The following TULP4 variants were observed in gnomAD, a reference collection of about 807,000 sequenced individuals.
The protein encoded by TULP4 is tubby-related protein 4.
In TULP4, 16 loss-of-function variants were observed where a neutral mutation model predicts 129.0. The observed-to-expected ratio is 0.12, with a 90% CI of 0.08 to 0.19. The LOEUF is 0.19. Among genes scored for constraint, TULP4 ranks in the 10% least tolerant of loss-of-function variants. The pLI is 1.00. For missense variants in TULP4, 1,842 were observed against 2,059.1 expected, an observed-to-expected ratio of 0.89 and a Z score of 2.04; for synonymous variants, 998 against 854.0, an observed-to-expected ratio of 1.17 and a Z score of -2.94.
intron 3 of TULP4, among the ~76,000 whole-genome samples, chr6:158,442,538 A>T (rs556791415): frequency 1.3e-5 from 2 of 151,798 alleles, no homozygotes; most frequent in Non-Finnish European, 2.9e-5. Flanking sequence ...CAAAGTACAC[A>T]TGCACCTTCC....
intron 1 of TULP4, among the ~76,000 whole-genome samples, chr6:158,330,481 C>T (rs908745501): frequency 6.6e-6 from 1 of 152,202 alleles, no homozygotes; most frequent in Non-Finnish European, 1.5e-5. Context: ...TGCACGCATA[C>T]ACTCTCTCTC....
At chr6:158,426,036 A>C (rs1319804839) in intron 2 of TULP4, among the ~76,000 whole-genome samples, 1 of 152,184 alleles carries the variant, frequency 6.6e-6, no homozygotes, top group Non-Finnish European at 1.5e-5. Flanking sequence ...TCTTTTGAAA[A>C]GTGTCAGTTC....
At chr6:158,444,593 G>T (rs887365284) in intron 3 of TULP4, among the ~76,000 whole-genome samples, 6 of 152,104 alleles carry the variant, frequency 3.9e-5, no homozygotes, top group Non-Finnish European at 7.4e-5. Flanking sequence ...TAGATGTGTA[G>T]GGTCCAAAGA....
intron 1 of TULP4, among the ~76,000 whole-genome samples, chr6:158,287,596 T>A (rs897849982): frequency 1.3e-5 from 2 of 152,148 alleles, no homozygotes; most frequent in Non-Finnish European, 2.9e-5. Flanking sequence ...AATGAGCAAC[T>A]TAAGATAGAA....
chr6:158,308,440 T>C (rs1779257115), upstream of TULP4, among the ~76,000 whole-genome samples: 1 of 152,028 alleles, frequency 6.6e-6, no homozygotes, highest in African/African-American at 2.4e-5. Context: ...TTTCTCAATC[T>C]TTTCCCCACC....
chr6:158,299,157 C>T lies in TULP4; in HGVS notation n.117-12894C>T, dbSNP rs182095596. On this transcript the variant is annotated intron_variant and non_coding_transcript_variant, in intron 1 of 1. Transcript: ENST00000432358. ...CTCGGTCGGGGTGGGGGGTAATGCC[C>T]TTATCTTCCTGTTTTAAGGAAAAGG... 1.9e-4 allele frequency among the ~76,000 whole-genome samples: 29 copies of T among 152,188 alleles called. 1 individual carries two copies. The East Asian group carries it at 5.2e-3, about 27-fold the overall frequency.
Position 158,479,965 on chromosome 6 carries a change from C to A in TULP4, c.1241C>A (p.Pro414His). 6.2e-7 allele frequency: 1 copy of A among 1,605,800 alleles called. No homozygotes were observed. The highest frequency in any genetic ancestry group is 8.5e-7 in the Non-Finnish European group (1 of 1,178,258). ...LCSYLSTAFI[P>H]TIKPPIPDPN... ...TCCTACCTCTCCACTGCCTTCATCC[C>A]CACCATCAAGGTAAAGCCCTCCACC... The change falls in exon 7 of 14, where the codon CCC becomes CAC. Residue 414 changes from proline to histidine, a missense_variant. Transcript: ENST00000367097.
intron 1 of TULP4, among the ~76,000 whole-genome samples, chr6:158,352,584 C>G (rs1780550815): frequency 6.6e-6 from 1 of 151,994 alleles, no homozygotes; most frequent in African/African-American, 2.4e-5. Flanking sequence ...TTTAGTAGAG[C>G]TGGGGTTTCA....
At chr6:158,448,085 G>T (rs561653432) in intron 3 of TULP4, among the ~76,000 whole-genome samples, 19 of 152,312 alleles carry the variant, frequency 1.2e-4, no homozygotes, top group Admixed American at 1.0e-3. Flanking sequence ...GTGGCGGCAG[G>T]GGGGATGTTC....
At chr6:158,345,800 A>G (rs762084713) in intron 1 of TULP4, among the ~76,000 whole-genome samples, 3 of 152,186 alleles carry the variant, frequency 2.0e-5, no homozygotes, top group Non-Finnish European at 2.9e-5. Context: ...CTGACCTCAA[A>G]TTTACCAGGG....
At position 158,313,264 on chromosome 6, in the gene TULP4, T is replaced by TC; in HGVS notation, c.-749dup. On this transcript the variant is annotated 5_prime_UTR_variant, in exon 1 of 14. An upstream open reading frame in the 5' UTR gains an earlier in-frame stop. Transcript: ENST00000367097. ...GGAGCAGTCCGATGGAGCCCTGCGTTCCCCGGGGACACAGGGCCAAGCTTT... is the reference window on the plus strand; with the variant it reads ...GGAGCAGTCCGATGGAGCCCTGCGTTCCCCCGGGGACACAGGGCCAAGCTTT... The TC allele has an allele frequency of 2.6e-6, 1 of 377,744 alleles. No homozygotes were observed. The highest frequency in any genetic ancestry group is 3.8e-5 in the East Asian group (1 of 26,562). The allele number at this position is 377,744 out of a possible 1,614,324, so 23.4% of individuals were successfully genotyped here.
intron 2 of TULP4, among the ~76,000 whole-genome samples, chr6:158,429,391 G>A (rs891600569): frequency 7.2e-5 from 11 of 152,276 alleles, no homozygotes; most frequent in South Asian, 2.1e-4. Flanking sequence ...TGCCTGCCTC[G>A]GCCTCCCGAA....
chr6:158,386,678 G>A (rs1034639531), intron 1 of TULP4, among the ~76,000 whole-genome samples: 1 of 152,202 alleles, frequency 6.6e-6, no homozygotes, highest in Non-Finnish European at 1.5e-5. Flanking sequence ...GTATACCATA[G>A]TGTTTAAGTA....
intron 2 of TULP4, among the ~76,000 whole-genome samples, chr6:158,425,086 G>A (rs1244028802): frequency 1.4e-5 from 2 of 147,754 alleles, no homozygotes; most frequent in Non-Finnish European, 1.5e-5. Flanking sequence ...CTCGGTAGGC[G>A]GAGCTTGCAG....
chr6:158,264,018 G>C (rs1404375774), intron 1 of TULP4, among the ~76,000 whole-genome samples: 1 of 152,116 alleles, frequency 6.6e-6, no homozygotes, highest in Non-Finnish European at 1.5e-5. Flanking sequence ...AGCCAAGATT[G>C]CACCACTGCA....
At chr6:158,294,530 C>T (rs1016315393) in intron 1 of TULP4, among the ~76,000 whole-genome samples, 5 of 152,268 alleles carry the variant, frequency 3.3e-5, no homozygotes, top group Admixed American at 2.0e-4. Flanking sequence ...GATCCCTGTT[C>T]CTAGGTAGTA....
At chr6:158,484,663 A>G (rs557110372) in intron 8 of TULP4, among the ~76,000 whole-genome samples, 16 of 152,302 alleles carry the variant, frequency 1.1e-4, no homozygotes, top group African/African-American at 3.8e-4. Flanking sequence ...ACGCACGTGC[A>G]CCAAGGAGAG....
intron 1 of TULP4, among the ~76,000 whole-genome samples, chr6:158,244,845 T>G (rs1231087992): frequency 6.6e-6 from 1 of 151,944 alleles, no homozygotes; most frequent in African/African-American, 2.4e-5. Flanking sequence ...ATTTTTTATT[T>G]AAATAATAAT....
chr6:158,243,127 G>A (rs951156977), intron 1 of TULP4, among the ~76,000 whole-genome samples: 2 of 152,096 alleles, frequency 1.3e-5, no homozygotes, highest in Non-Finnish European at 2.9e-5. Context: ...GTGGAGACTG[G>A]TGTAATAAAG....
Sources: allele counts gnomAD v4.1 joint callset (sites outside exome capture counted in the v4.1 genomes callset), GRCh38; gene constraint gnomAD v4.1.1; transcripts MANE v1.5; gene names NCBI Gene and HGNC (gene_info 2026-07-23, HGNC 2026-07-21).